TSPEAR: variants seen among roughly 807,000 people sequenced by gnomAD.
The protein encoded by TSPEAR is thrombospondin-type laminin G domain and EAR repeat-containing protein.
TSPEAR carries 69 observed loss-of-function variants against 71.6 expected under a neutral mutation model. The ratio of observed to expected loss-of-function variants is 0.96; its 90% CI spans 0.79 to 1.18. TSPEAR has a LOEUF of 1.18. TSPEAR is among the 50% of genes most tolerant of loss of function. The pLI is 0.00. For missense variants in TSPEAR, 971 were observed against 894.9 expected (o/e 1.09, Z -1.09); for synonymous variants, 402 against 387.2 (o/e 1.04, Z -0.45).
intron 6 of TSPEAR, among the ~76,000 whole-genome samples, chr21:44,527,940 C>G (rs1210235664): frequency 6.6e-6 from 1 of 152,172 alleles, no homozygotes; most frequent in Non-Finnish European, 1.5e-5. Flanking sequence ...TGAGAAGGCT[C>G]TCTGTAAAAA....
chr21:44,543,368 A>G (rs2053252338), intron 2 of TSPEAR, among the ~76,000 whole-genome samples: 1 of 152,210 alleles, frequency 6.6e-6, no homozygotes, highest in Non-Finnish European at 1.5e-5. Flanking sequence ...GAAAAATAAT[A>G]TAAGGTCTAA....
chr21:44,509,438 T>C, intron 9 of TSPEAR, 52 bp from the exon 10 acceptor site: 1 of 1,151,130 alleles, frequency 8.7e-7, no homozygotes, highest in Non-Finnish European at 1.1e-6. Flanking sequence ...GGCGCAGAGG[T>C]GTGGGGGAGC....
At chr21:44,627,156 T>C in intron 1 of TSPEAR, 1 of 1,606,740 alleles carries the variant, frequency 6.2e-7, no homozygotes, top group Non-Finnish European at 8.5e-7. Context: ...CCAGCTCACC[T>C]CCTCCCCACC....
intron 1 of TSPEAR, among the ~76,000 whole-genome samples, chr21:44,682,342 C>G: frequency 6.6e-6 from 1 of 152,124 alleles, no homozygotes; most frequent in East Asian, 1.9e-4. Flanking sequence ...CTAATTGCAC[C>G]CTCTTCAAGC....
chr21:44,518,232 C>A, intron 9 of TSPEAR: 1 of 439,558 alleles, frequency 2.3e-6, no homozygotes, highest in Non-Finnish European at 4.6e-6. Context: ...TTTCTTTCAG[C>A]CTTTTTCTTT....
At chr21:44,676,211 T>C in intron 1 of TSPEAR, 2 of 1,311,802 alleles carry the variant, frequency 1.5e-6, no homozygotes, top group Admixed American at 1.7e-5. Context: ...ATTGCTACCC[T>C]TCGGGCCAGT....
At chr21:44,669,859 C>T (rs1555945565) in intron 1 of TSPEAR, among the ~76,000 whole-genome samples, 2 of 152,154 alleles carry the variant, frequency 1.3e-5, no homozygotes, top group Non-Finnish European at 2.9e-5. Context: ...ATATCAGCAC[C>T]ATCTGTAATA....
At chr21:44,519,512 T>G (rs117869167) in intron 9 of TSPEAR, 1 of 152,464 alleles carries the variant, frequency 6.6e-6, no homozygotes, top group Non-Finnish European at 1.5e-5. Flanking sequence ...TGCTGAGCCC[T>G]GTGGTCAGGC....
chr21:44,624,654 T>A (rs915842972), intron 1 of TSPEAR, among the ~76,000 whole-genome samples: 1 of 152,224 alleles, frequency 6.6e-6, no homozygotes, highest in African/African-American at 2.4e-5. Flanking sequence ...TCACTTATAT[T>A]CACTGTTTCC....
At chr21:44,579,642 G>C in intron 1 of TSPEAR, 1 of 1,230,882 alleles carries the variant, frequency 8.1e-7, no homozygotes, top group South Asian at 1.4e-5. Context: ...TGGAGGGGGG[G>C]GTCACCTCAG....
intron 2 of TSPEAR, chr21:44,550,877 C>T (rs782755548): frequency 3.9e-6 from 4 of 1,027,136 alleles, no homozygotes; most frequent in Non-Finnish European, 4.0e-6. Context: ...AGCAGATGGA[C>T]TTGCAGCAGA....
At chr21:44,654,581 T>C (rs782118597) in intron 1 of TSPEAR, 4 of 1,598,888 alleles carry the variant, frequency 2.5e-6, no homozygotes, top group Admixed American at 1.7e-5. Context: ...GGGCAGGCCA[T>C]TGGGCAGCCC....
intron 1 of TSPEAR, among the ~76,000 whole-genome samples, chr21:44,690,986 C>T (rs1555949672): frequency 6.6e-6 from 1 of 152,150 alleles, no homozygotes; most frequent in African/African-American, 2.4e-5. Context: ...GTCTGTAAAA[C>T]AGATTAAAAC....
At chr21:44,570,866 C>T (rs781867431) in intron 1 of TSPEAR, among the ~76,000 whole-genome samples, 4 of 152,172 alleles carry the variant, frequency 2.6e-5, no homozygotes, top group Non-Finnish European at 5.9e-5. Flanking sequence ...CCATAAACAA[C>T]ACCACGTGTT....
At chr21:44,536,231 C>A (rs2053089247) in intron 2 of TSPEAR, among the ~76,000 whole-genome samples, 2 of 152,252 alleles carry the variant, frequency 1.3e-5, no homozygotes, top group African/African-American at 4.8e-5. Flanking sequence ...CCTCAGGCTG[C>A]TGCTCCTGCC....
At chr21:44,550,524 G>A (rs587769456) in intron 2 of TSPEAR, 48 of 1,051,394 alleles carry the variant, frequency 4.6e-5, no homozygotes, top group Middle Eastern at 3.2e-4. Context: ...CCCGCCCGGC[G>A]GGAGGTCAGA....
chr21:44,509,232 G>C lies in TSPEAR; in HGVS notation c.1721C>G (p.Ala574Gly). ...VIYELNVTAQ[A>G]FVKFQDILTC... The stretch of plus-strand genomic sequence containing the variant: ...GAGAATGTCCTGGAACTTGACAAAG[G>C]CCTGCGCGGTCACGTTCAGCTCGTA... The change falls in exon 10 of 12, where the codon GCC becomes GGC. Residue 574 changes from alanine to glycine, a missense_variant. By Grantham distance (60) the Ala-to-Gly change is moderately conservative. Transcript: ENST00000323084. 1 of 1,614,058 alleles carries C rather than the reference G, an allele frequency of 6.2e-7. No homozygotes were observed. The highest frequency in any genetic ancestry group is 8.5e-7 in the Non-Finnish European group (1 of 1,180,018).
intron 1 of TSPEAR, chr21:44,627,323 G>A: frequency 2.5e-6 from 4 of 1,613,040 alleles, no homozygotes; most frequent in Non-Finnish European, 3.4e-6. Context: ...ACCCCAGTGA[G>A]CCGTGTATCC....
At chr21:44,666,642 G>C in intron 1 of TSPEAR, 1 of 1,613,594 alleles carries the variant, frequency 6.2e-7, no homozygotes, top group Non-Finnish European at 8.5e-7. Flanking sequence ...ACACACAGAA[G>C]ACTGGCAGCT....
Sources: gnomAD v4.1 joint callset for allele counts (sites outside exome capture counted in the v4.1 genomes callset) on GRCh38, gnomAD v4.1.1 for gene constraint, MANE v1.5 for transcripts, NCBI Gene and HGNC (gene_info 2026-07-23, HGNC 2026-07-21) for gene names.